Variants in GALNT18 observed in about 807,000 individuals in gnomAD.
GALNT18 encodes the protein polypeptide N-acetylgalactosaminyltransferase 18, also known as GalNAc-transferase 18.
In GALNT18, 44 loss-of-function variants were observed where a neutral mutation model predicts 69.5. That is an observed-to-expected ratio of 0.63 (90% CI 0.50 to 0.81). The LOEUF is 0.81. Ranked by LOEUF, GALNT18 falls within the 40% of genes least tolerant of loss-of-function variation. The probability of loss-of-function intolerance (pLI) is 0.00; values close to 1 mark genes in which losing one functional copy is unlikely to be tolerated. For synonymous variants in GALNT18, 364 were observed against 318.2 expected (o/e 1.14, Z -1.53); for missense variants, 715 against 810.0 (o/e 0.88, Z 1.42).
Position 11,621,387 on chromosome 11 carries a change from C to T in GALNT18, c.207G>A (p.Leu69=), listed in dbSNP as rs1860187910. The change falls in exon 1 of 11, where the codon CTG becomes CTA. Residue 69 remains leucine (L), a synonymous_variant. Coordinates refer to ENST00000227756, the MANE Select transcript of GALNT18 (RefSeq NM_198516.3). The surrounding 1 kb of genome is among the most constrained non-coding windows in gnomAD (Gnocchi z 9.3). ...TLKIIERLDH[L]ENVIKQHIQE... ...GAATGTGCTGCTTGATGACATTCTC[C>T]AGGTGGTCCAGCCGCTCAATAATCT... is the stretch of plus-strand genomic sequence containing the variant. 6.2e-7 allele frequency: 1 copy of T among 1,614,084 alleles called. No individual in the cohort carries two copies. Among genetic ancestry groups the T allele is most frequent in the Non-Finnish European group, 8.5e-7 (1 of 1,179,986 alleles).
chr11:11,525,486 G>A (rs1441715814), intron 1 of GALNT18, among the ~76,000 whole-genome samples: 2 of 152,080 alleles, frequency 1.3e-5, no homozygotes, highest in African/African-American at 4.8e-5. Flanking sequence ...GATTGGATGA[G>A]GTTGAGACAG....
rs1850155943 is a variant in GALNT18 at position 11,338,870 on chromosome 11, A to G, written c.1278+1949T>C. Among the ~76,000 whole-genome samples the G allele has an allele frequency of 6.6e-6, 1 of 152,154 alleles. No individual in the cohort carries two copies. The highest frequency in any genetic ancestry group is 1.5e-5 in the Non-Finnish European group (1 of 68,034). Reference sequence around the variant, plus strand: ...AAGAGGAGCCCTTGAAGAGTTAGGAATAAATGGAGAGAGATAAGATTCCAG... The same window carrying G: ...AAGAGGAGCCCTTGAAGAGTTAGGAGTAAATGGAGAGAGATAAGATTCCAG... On this transcript the variant is annotated intron_variant, in intron 7 of 10. Coordinates refer to ENST00000227756, the MANE Select transcript of GALNT18 (RefSeq NM_198516.3). This position sits in a 1 kb window ranked among gnomAD's most constrained non-coding sequence, Gnocchi z 5.3.
At chr11:11,376,868 C>G (rs1466037119) in intron 5 of GALNT18, among the ~76,000 whole-genome samples, 4 of 152,222 alleles carry the variant, frequency 2.6e-5, no homozygotes, top group African/African-American at 9.6e-5. Flanking sequence ...TCTGTCTTCA[C>G]TAGACTCCAG....
intron 2 of GALNT18, among the ~76,000 whole-genome samples, chr11:11,434,272 A>G (rs1855347476): frequency 6.6e-6 from 1 of 152,126 alleles, no homozygotes; most frequent in Admixed American, 6.5e-5. Context: ...CCCTTTTCCT[A>G]AATCTACTTC....
rs2133712597 is a variant in GALNT18 at position 11,389,924 on chromosome 11, G to C, written c.596-10660C>G. 6.6e-6 allele frequency among the ~76,000 whole-genome samples: 1 copy of C among 152,172 alleles called. No homozygotes were observed. The highest frequency in any genetic ancestry group is 1.5e-5 in the Non-Finnish European group (1 of 67,998). ...TTTTGGTGCTGGCTTCTCCTTTTTT[G>C]CAAGGCTTAGAGTTTAGAGTGCTGC... On this transcript the variant is annotated intron_variant, in intron 3 of 10. Transcript: ENST00000227756. The surrounding 1 kb of genome is among the most constrained non-coding windows in gnomAD (Gnocchi z 4.3).
intron 1 of GALNT18, among the ~76,000 whole-genome samples, chr11:11,487,312 T>C (rs577906516): frequency 2.0e-5 from 3 of 152,320 alleles, no homozygotes; most frequent in Admixed American, 6.5e-5. Context: ...GGGTTCAGTA[T>C]ATCCTGCTTG....
chr11:11,363,792 TC>T (rs1185872807), intron 6 of GALNT18, among the ~76,000 whole-genome samples: 1 of 152,154 alleles, frequency 6.6e-6, no homozygotes, highest in Non-Finnish European at 1.5e-5. Flanking sequence ...CATTTCTCAC[TC>T]ACAGTAAGCT....
At position 11,542,193 on chromosome 11, in the gene GALNT18, G is replaced by GGCTGCGTCTTAGAAA. The variant is rs1286869576; in HGVS notation, c.235+79151_235+79165dup. 1.3e-5 allele frequency among the ~76,000 whole-genome samples: 2 copies of GGCTGCGTCTTAGAAA among 152,130 alleles called. No homozygotes were observed. The highest frequency in any genetic ancestry group is 2.9e-5 in the Non-Finnish European group (2 of 68,030). On this transcript the variant is annotated intron_variant, in intron 1 of 10. Coordinates refer to ENST00000227756, the MANE Select transcript of GALNT18 (RefSeq NM_198516.3). The surrounding 1 kb of genome is among the most constrained non-coding windows in gnomAD (Gnocchi z 4.3). ...ATTAAAGACTTTGCCCAAAGGCTGTGGCTGCGTCTTAGAAAGCAAAGCAAA... is the reference window on the plus strand; with the variant it reads ...ATTAAAGACTTTGCCCAAAGGCTGTGGCTGCGTCTTAGAAAGCTGCGTCTTAGAAAGCAAAGCAAA...
At chr11:11,287,456 A>G (rs895108863) in intron 10 of GALNT18, among the ~76,000 whole-genome samples, 3 of 152,048 alleles carry the variant, frequency 2.0e-5, no homozygotes, top group African/African-American at 4.8e-5. Context: ...CTTGACAAGT[A>G]TCCTGCCACA....
rs1009586818 is a variant in GALNT18 at position 11,355,924 on chromosome 11, C to A, written c.1093-14920G>T. Among the ~76,000 whole-genome samples, 11 of 152,156 alleles carry A rather than the reference C, an allele frequency of 7.2e-5. 1 individual carries two copies. Among genetic ancestry groups the A allele is most frequent in the Non-Finnish European group, 1.5e-5 (1 of 68,030 alleles). On this transcript the variant is annotated intron_variant, in intron 6 of 10. Coordinates refer to ENST00000227756, the MANE Select transcript of GALNT18 (RefSeq NM_198516.3). ...AATGGTGTTCCTGGGCCATTTACAC[C>A]AGGGGTTAACTCTTTATTTTCAGGA... is the stretch of plus-strand genomic sequence containing the variant.
intron 1 of GALNT18, among the ~76,000 whole-genome samples, chr11:11,554,341 C>G (rs1404043347): frequency 3.3e-5 from 5 of 151,808 alleles, no homozygotes; most frequent in African/African-American, 4.8e-5. Flanking sequence ...GAGAGGGGGC[C>G]ACAGAGAGAA....
Position 11,432,801 on chromosome 11 carries a change from C to A in GALNT18, c.429-14G>T, listed in dbSNP as rs752134073. The A allele has an allele frequency of 6.2e-7, 1 of 1,610,228 alleles. No individual in the cohort carries two copies. Among genetic ancestry groups the A allele is most frequent in the African/African-American group, 1.3e-5 (1 of 74,994 alleles). ...AGGTTACGGCACCTGCAAAGAACAG[C>A]CAAGCGCTTAGATTTGTGACTCAGC... On this transcript the variant is annotated splice_polypyrimidine_tract_variant and intron_variant, in intron 2 of 10. Transcript: ENST00000227756. This position sits in a 1 kb window ranked among gnomAD's most constrained non-coding sequence, Gnocchi z 5.8.
intron 1 of GALNT18, among the ~76,000 whole-genome samples, chr11:11,527,163 C>T (rs1195152194): frequency 6.6e-6 from 1 of 152,158 alleles, no homozygotes; most frequent in Non-Finnish European, 1.5e-5. Flanking sequence ...GTCTTGAAGG[C>T]ACCCCCCAAC....
chr11:11,429,907 A>C (rs1016533029), intron 3 of GALNT18, among the ~76,000 whole-genome samples: 1 of 152,210 alleles, frequency 6.6e-6, no homozygotes, highest in Non-Finnish European at 1.5e-5. Context: ...TGGGAGGGCG[A>C]GGCAGGAGGA....
intron 10 of GALNT18, among the ~76,000 whole-genome samples, chr11:11,286,998 A>G (rs372059324): frequency 6.6e-6 from 1 of 152,052 alleles, no homozygotes; most frequent in Non-Finnish European, 1.5e-5. Flanking sequence ...GCCTTTGACA[A>G]CCTGCTGATG....
intron 1 of GALNT18, among the ~76,000 whole-genome samples, chr11:11,558,947 C>T (rs914845055): frequency 2.0e-5 from 3 of 152,254 alleles, no homozygotes; most frequent in Non-Finnish European, 2.9e-5. Flanking sequence ...AGAGGCTGCA[C>T]AGCACAGGAG....
intron 8 of GALNT18, among the ~76,000 whole-genome samples, chr11:11,329,185 C>G: frequency 6.6e-6 from 1 of 152,206 alleles, no homozygotes; most frequent in Non-Finnish European, 1.5e-5. Flanking sequence ...ACAATGTCTA[C>G]AAGTGCTTAG....
In GALNT18 at chr11:11,591,871, G is replaced by C. The variant is rs569483268; in HGVS notation, c.235+29488C>G. ...TGATTAGATGTTATGAAGATTTAAGGGTTTTGAGTTTGATGTAACACAGTC... is the reference window on the plus strand; with the variant it reads ...TGATTAGATGTTATGAAGATTTAAGCGTTTTGAGTTTGATGTAACACAGTC... On this transcript the variant is annotated intron_variant, in intron 1 of 10. Transcript: ENST00000227756. This position sits in a 1 kb window ranked among gnomAD's most constrained non-coding sequence, Gnocchi z 4.8. Among the ~76,000 whole-genome samples the C allele has an allele frequency of 3.5e-4, 54 of 152,222 alleles. No individual in the cohort carries two copies. The highest frequency in any genetic ancestry group is 1.2e-3 in the African/African-American group (48 of 41,520).
chr11:11,517,398 C>T (rs1004973551), intron 1 of GALNT18, among the ~76,000 whole-genome samples: 3 of 152,116 alleles, frequency 2.0e-5, no homozygotes, highest in African/African-American at 7.2e-5. Flanking sequence ...CTTTTAATTG[C>T]CTGTAAGTAC....
Sources: allele counts gnomAD v4.1 joint callset (sites outside exome capture counted in the v4.1 genomes callset), GRCh38; gene constraint gnomAD v4.1.1; non-coding constraint Gnocchi (gnomAD v3.1); transcripts MANE v1.5; gene names NCBI Gene and HGNC (gene_info 2026-07-23, HGNC 2026-07-21).